Variants in ANKRD66 observed in about 807,000 individuals in gnomAD.
ANKRD66 encodes ankyrin repeat domain 66.
In ANKRD66, 10 loss-of-function variants were observed where a neutral mutation model predicts 10.9. The ratio of observed to expected loss-of-function variants is 0.91; its 90% CI spans 0.56 to 1.55. The LOEUF (loss-of-function observed/expected upper bound fraction) is 1.55, where lower values mean the gene tolerates loss of function less well. Among genes scored for constraint, ANKRD66 ranks in the 40% most tolerant of loss-of-function variants. The pLI, the probability that ANKRD66 is intolerant of heterozygous loss-of-function variation, is 0.00. For synonymous variants in ANKRD66, 85 were observed against 88.4 expected, an observed-to-expected ratio of 0.96 and a Z score of 0.22; for missense variants, 252 against 242.9, an observed-to-expected ratio of 1.04 and a Z score of -0.25.
intron 1 of ANKRD66, among the ~76,000 whole-genome samples, chr6:46,749,555 C>CCA (rs1766219849): frequency 1.9e-5 from 1 of 52,948 alleles, no homozygotes; most frequent in African/African-American, 8.4e-5. Flanking sequence ...TTTATTCCCC[C>CCA]CCCCCCCCCC....
Position 46,758,944 on chromosome 6 carries a change from G to T in ANKRD66, c.*23G>T. ...TGAGAACTCAACCTTATGTTTTCTG[G>T]CAAGGAACTTTCCCTGGTGCCAGAA... is the stretch of plus-strand genomic sequence containing the variant. On this transcript the variant is annotated 3_prime_UTR_variant, in exon 5 of 5. Coordinates refer to ENST00000565422, the MANE Select transcript of ANKRD66 (RefSeq NM_001162435.3). 1 of 1,520,176 alleles carries T rather than the reference G, an allele frequency of 6.6e-7. No homozygotes were observed. The highest frequency in any genetic ancestry group is 8.8e-7 in the Non-Finnish European group (1 of 1,130,964). 94.2% of individuals were successfully genotyped at this position (1,520,176 alleles called of 1,614,324 possible). A position where few individuals can be genotyped will look rare whatever the true frequency, so the allele number is the denominator to read the frequency against.
intron 2 of ANKRD66, among the ~76,000 whole-genome samples, chr6:46,751,452 A>G (rs190571528): frequency 6.1e-4 from 93 of 152,264 alleles, no homozygotes; most frequent in African/African-American, 2.2e-3. Flanking sequence ...CACTAATACT[A>G]TTTAATTTTC....
intron 3 of ANKRD66, 110 bp from the exon 4 acceptor site, chr6:46,753,612 T>G: frequency 8.9e-7 from 1 of 1,122,596 alleles, no homozygotes; most frequent in Non-Finnish European, 1.2e-6. Context: ...TGGAGGCTCC[T>G]CAAAGGCAAA....
In ANKRD66 at chr6:46,753,740, G is replaced by T; in HGVS notation, c.182G>T (p.Arg61Leu). 6.5e-7 allele frequency: 1 copy of T among 1,549,652 alleles called. No individual in the cohort carries two copies. Among genetic ancestry groups the T allele is most frequent in the East Asian group, 2.4e-5 (1 of 40,864 alleles). Residue 61 changes from arginine (R) to leucine (L), a missense_variant, in exon 4 of 5, where the codon CGG becomes CTG. By Grantham distance (102) the Arg-to-Leu change is moderately radical. Coordinates refer to ENST00000565422, the MANE Select transcript of ANKRD66 (RefSeq NM_001162435.3). ...ATCTAAGGGCAAATGGAGGTGATAC[G>T]GCTCCTGATAGAATATGGAGCCAGG... ...AAIKGQMEVI[R>L]LLIEYGARPC...
At chr6:46,754,658 G>A (rs947722563) in intron 4 of ANKRD66, among the ~76,000 whole-genome samples, 29 of 152,280 alleles carry the variant, frequency 1.9e-4, no homozygotes, top group Admixed American at 1.8e-3. Flanking sequence ...ATCTATAGGG[G>A]CAGTTCATGA....
At chr6:46,752,818 C>G (rs1043886767) in intron 3 of ANKRD66, among the ~76,000 whole-genome samples, 2 of 152,142 alleles carry the variant, frequency 1.3e-5, no homozygotes, top group African/African-American at 4.8e-5. Context: ...ATCCCCCACG[C>G]CTTACATAGC....
At chr6:46,749,550 T>TTC (rs760188647) in intron 1 of ANKRD66, among the ~76,000 whole-genome samples, 9 of 57,038 alleles carry the variant, frequency 1.6e-4, no homozygotes, top group Non-Finnish European at 2.7e-4. Flanking sequence ...TCTCTTTTAT[T>TTC]CCCCCCCCCC....
chr6:46,749,682 T>C (rs1766226586), intron 1 of ANKRD66, among the ~76,000 whole-genome samples: 1 of 151,702 alleles, frequency 6.6e-6, no homozygotes, highest in Non-Finnish European at 1.5e-5. Flanking sequence ...AGCATGTGAC[T>C]CTGGACACAT....
intron 4 of ANKRD66, chr6:46,757,200 C>A (rs1766402778): frequency 6.6e-6 from 1 of 151,968 alleles, no homozygotes; most frequent in Admixed American, 6.6e-5. Context: ...GGAGAAGAAT[C>A]CTGAATTAAG....
At chr6:46,758,531 A>G (rs371846342) in intron 4 of ANKRD66, 192 bp from the exon 5 acceptor site, 28 of 455,152 alleles carry the variant, frequency 6.2e-5, no homozygotes, top group East Asian at 5.8e-4. Context: ...GGGTCCCACA[A>G]TTTTTCTCCA....
At chr6:46,758,633 C>A in intron 4 of ANKRD66, 90 bp from the exon 5 acceptor site, 1 of 1,262,698 alleles carries the variant, frequency 7.9e-7, no homozygotes, top group Non-Finnish European at 1.1e-6. Context: ...AACTGAACTG[C>A]GGTGTGCAGA....
chr6:46,751,795 C>G (rs964628714), intron 2 of ANKRD66, 142 bp from the exon 3 acceptor site: 9 of 784,660 alleles, frequency 1.1e-5, no homozygotes, highest in Non-Finnish European at 1.7e-5. Context: ...TCTAAGGACA[C>G]ACTCATGCCA....
In ANKRD66 at chr6:46,752,094, A is replaced by G; in HGVS notation, c.146A>G (p.His49Arg). The change falls in exon 3 of 5, where the codon CAC becomes CGC. Residue 49 changes from histidine (H) to arginine (R), a missense_variant. Coordinates refer to ENST00000565422, the MANE Select transcript of ANKRD66 (RefSeq NM_001162435.3). ...DVDWNDRTPL[H>R]WAAIKGQMEV... ...GACTGGAATGACCGGACCCCACTTCACTGGGCTGCAATCAAAGGTGAGTGG... is the reference window on the plus strand; with the variant it reads ...GACTGGAATGACCGGACCCCACTTCGCTGGGCTGCAATCAAAGGTGAGTGG... The G allele has an allele frequency of 6.7e-7, 1 of 1,493,936 alleles. No homozygotes were observed. Among genetic ancestry groups the G allele is most frequent in the South Asian group, 1.3e-5 (1 of 74,412 alleles). The allele number at this position is 1,493,936 out of a possible 1,614,324, so 92.5% of individuals were successfully genotyped here.
chr6:46,758,490 G>A (rs1176959458), intron 4 of ANKRD66: 3 of 388,852 alleles, frequency 7.7e-6, no homozygotes, highest in Admixed American at 8.5e-5. Context: ...CAAGCTGAGT[G>A]ACTATCTTTG....
At chr6:46,749,858 C>A (rs1396549167) in intron 1 of ANKRD66, 38 bp from the exon 2 acceptor site, 13 of 1,539,120 alleles carry the variant, frequency 8.4e-6, no homozygotes, top group Non-Finnish European at 1.1e-5. Flanking sequence ...TAGGGCATTG[C>A]ATTTTAATTA....
Position 46,753,849 on chromosome 6 carries a change from T to A in ANKRD66, c.291T>A (p.His97Gln). The stretch of plus-strand genomic sequence containing the variant: ...ATCTGAATATACTCAAAACTCTCCA[T>A]GCATTGCACGCTGCCATCGACGCCC... ...AGHLNILKTLHALHAAIDAPD... is the reference protein window; with the variant it reads ...AGHLNILKTLQALHAAIDAPD... Residue 97 changes from histidine to glutamine, a missense_variant, in exon 4 of 5, where the codon CAT (histidine) becomes CAA (glutamine). Physicochemically the swap from His to Gln is conservative, Grantham distance 24. Coordinates refer to ENST00000565422, the MANE Select transcript of ANKRD66 (RefSeq NM_001162435.3). 1.3e-6 allele frequency: 2 copies of A among 1,551,724 alleles called. No homozygotes were observed. Among genetic ancestry groups the A allele is most frequent in the African/African-American group, 1.4e-5 (1 of 73,164 alleles).
At chr6:46,753,649 A>C in intron 3 of ANKRD66, 73 bp from the exon 4 acceptor site, 1 of 1,398,058 alleles carries the variant, frequency 7.2e-7, no homozygotes, top group Non-Finnish European at 9.6e-7. Flanking sequence ...TGTTACCTAG[A>C]CTGGCCCTGG....
intron 1 of ANKRD66, among the ~76,000 whole-genome samples, chr6:46,747,287 T>A (rs1013458733): frequency 1.3e-5 from 2 of 152,224 alleles, no homozygotes; most frequent in East Asian, 1.9e-4. Flanking sequence ...TAATAGTTTT[T>A]TGTAAAGCAG....
intron 4 of ANKRD66, chr6:46,757,958 T>C (rs1166072215): frequency 1.3e-5 from 2 of 152,242 alleles, no homozygotes; most frequent in African/African-American, 2.4e-5. Flanking sequence ...GGTCTGAAGA[T>C]TGAAAGGTCA....
Sources: gnomAD v4.1 joint callset for allele counts (sites outside exome capture counted in the v4.1 genomes callset) on GRCh38, gnomAD v4.1.1 for gene constraint, MANE v1.5 for transcripts, NCBI Gene and HGNC (gene_info 2026-07-23, HGNC 2026-07-21) for gene names.